HMCN2: variants seen among roughly 807,000 people sequenced by gnomAD.
HMCN2 encodes hemicentin 2, also known as hemicentin-2.
Under a neutral mutation model 377.5 loss-of-function variants are expected in HMCN2, and 325 were observed. The observed-to-expected ratio is 0.86, with a 90% CI of 0.79 to 0.94. HMCN2 has a LOEUF of 0.94. Ranked by LOEUF, HMCN2 falls within the 40% of genes least tolerant of loss-of-function variation. The pLI is 0.00. For missense variants in HMCN2, 4,543 were observed against 4,725.3 expected (o/e 0.96, Z 1.13); for synonymous variants, 2,007 against 2,046.8 (o/e 0.98, Z 0.53).
At chr9:130,373,458 A>T (rs1194395189) in intron 48 of HMCN2, among the ~76,000 whole-genome samples, 1 of 152,180 alleles carries the variant, frequency 6.6e-6, no homozygotes, top group Non-Finnish European at 1.5e-5. Context: ...ACATTGGACC[A>T]TAGTGGCCTT....
chr9:130,313,307 G>A lies in HMCN2; in HGVS notation c.2350+3246G>A, dbSNP rs990114273. ...AGCTGGCTTCCTGGTAGTGTCTGGG[G>A]CATAGGAAGGGAGGCATCCTACTCC... On this transcript the variant is annotated intron_variant, in intron 15 of 97. Coordinates refer to ENST00000683500, the MANE Select transcript of HMCN2 (RefSeq NM_001291815.2). Among the ~76,000 whole-genome samples the A allele has an allele frequency of 1.7e-4, 25 of 151,276 alleles. No homozygotes were observed. The East Asian group carries it at 2.9e-3, about 18-fold the overall frequency.
intron 95 of HMCN2, chr9:130,431,164 G>T (rs1588454458): frequency 5.0e-6 from 3 of 604,430 alleles, no homozygotes; most frequent in Non-Finnish European, 5.9e-6. Context: ...TGAGCACGGG[G>T]TAGGTAAGGT....
At chr9:130,362,606 G>T (rs1224562693) in intron 39 of HMCN2, among the ~76,000 whole-genome samples, 1 of 152,242 alleles carries the variant, frequency 6.6e-6, no homozygotes, top group African/African-American at 2.4e-5. Flanking sequence ...CACATTTCAA[G>T]GGCTCACTGG....
intron 27 of HMCN2, 107 bp from the exon 28 acceptor site, chr9:130,348,877 C>T: frequency 8.3e-7 from 1 of 1,210,690 alleles, no homozygotes; most frequent in Non-Finnish European, 1.1e-6. Flanking sequence ...GAGCATGGCA[C>T]CGTTCTGGCC....
In HMCN2 at chr9:130,310,030, C is replaced by T. The variant is rs782157971; in HGVS notation, c.2319C>T (p.Asp773=). 18 of 533,510 alleles carry T rather than the reference C, an allele frequency of 3.4e-5. No individual in the cohort carries two copies. Among genetic ancestry groups the T allele is most frequent in the East Asian group, 1.1e-4 (2 of 18,288 alleles). The allele number at this position is 533,510 out of a possible 1,614,324, so 33.0% of individuals were successfully genotyped here. A position where few individuals can be genotyped will look rare whatever the true frequency, so the allele number is the denominator to read the frequency against. Residue 773 remains aspartate (D), a synonymous_variant, in exon 15 of 98, where the codon GAC becomes GAT. Transcript: ENST00000683500. ...GCCGGGCTGTCAATGAGTTGGGTGA[C>T]GCCTCTGCAGAAATCCAGCTGGCGG... The part of the protein sequence containing the change: ...YTCRAVNELG[D]ASAEIQLAVG...
At chr9:130,359,250 G>A (rs1463576769) in intron 36 of HMCN2, 69 bp from the exon 37 acceptor site, 1 of 827,720 alleles carries the variant, frequency 1.2e-6, no homozygotes, top group Non-Finnish European at 1.8e-6. Context: ...AGCACTGCTG[G>A]GATGGCTGGG....
rs1327089140 is a variant in HMCN2, at chr9:130,414,291, G to A, written c.12961+3639G>A. Among the ~76,000 whole-genome samples, 2 of 152,178 alleles carry A rather than the reference G, an allele frequency of 1.3e-5. No homozygotes were observed. Among genetic ancestry groups the A allele is most frequent in the African/African-American group, 2.4e-5 (1 of 41,426 alleles). On this transcript the variant is annotated intron_variant, in intron 85 of 97. Transcript: ENST00000683500. This position sits in a 1 kb window ranked among gnomAD's most constrained non-coding sequence, Gnocchi z 4.4. ...GTGCCAGCAGAGGCCCGGTGTGGGCGTGCCTCCACCCATCCACCCATGCTC... is the reference window on the plus strand; with the variant it reads ...GTGCCAGCAGAGGCCCGGTGTGGGCATGCCTCCACCCATCCACCCATGCTC...
chr9:130,423,120 G>A lies in HMCN2; in HGVS notation c.13381+394G>A, dbSNP rs1844115258. 6.6e-6 allele frequency among the ~76,000 whole-genome samples: 1 copy of A among 152,182 alleles called. No individual in the cohort carries two copies. The highest frequency in any genetic ancestry group is 6.5e-5 in the Admixed American group (1 of 15,278). The stretch of plus-strand genomic sequence containing the variant: ...AGGGATCTCCAGTCATGAGTGAGGG[G>A]TGCAGGCTGGAGGTGACGGGAAGCG... On this transcript the variant is annotated intron_variant, in intron 87 of 97. Transcript: ENST00000683500. This position sits in a 1 kb window ranked among gnomAD's most constrained non-coding sequence, Gnocchi z 5.5.
chr9:130,363,115 C>A, intron 40 of HMCN2, 125 bp downstream of exon 40: 1 of 787,936 alleles, frequency 1.3e-6, no homozygotes, highest in Non-Finnish European at 1.5e-6. Context: ...CTGAGAACAG[C>A]TGCCTTCCAG....
In HMCN2 at chr9:130,375,598, G is replaced by A. The variant is rs1330258707; in HGVS notation, c.7666G>A (p.Ala2556Thr). Residue 2556 changes from alanine to threonine, a missense_variant, in exon 50 of 98, where the codon GCA becomes ACA. Physicochemically the swap from Ala to Thr is moderately conservative, Grantham distance 58. Around this residue, in one of 5 missense-constraint regions of HMCN2, gnomAD observed 736 missense variants for 773.2 expected, o/e 0.95. Transcript: ENST00000683500. ...CATCCTGGGAGGGGCCGAGGACAGT[G>A]CAGATGAGGAGGTGACCGTGACTGT... ...PTILGGAEDSADEEVTVTVNN... is the reference protein window; with the variant it reads ...PTILGGAEDSTDEEVTVTVNN... The A allele has an allele frequency of 3.0e-6, 3 of 985,784 alleles. No homozygotes were observed. In the African/African-American group the frequency reaches 5.2e-5, roughly 17 times the overall value. 61.1% of individuals were successfully genotyped at this position (985,784 alleles called of 1,614,324 possible).
In HMCN2 at chr9:130,427,337, AG is replaced by A; in HGVS notation, c.13907del (p.Gly4636AlafsTer72). ...GAGGAGAACGAGGTCGGCTGCCCCG[AG>A]GGCTTTGAGCTGGACTCCCAGGGAG... ...QAEENEVGCP[E>X]GFELDSQGAF... On this transcript the variant is annotated frameshift_variant, in exon 91 of 98. Coordinates refer to ENST00000683500, the MANE Select transcript of HMCN2 (RefSeq NM_001291815.2). LOFTEE classifies it high-confidence loss of function. 6.4e-7 allele frequency: 1 copy of A among 1,550,528 alleles called. No individual in the cohort carries two copies. The highest frequency in any genetic ancestry group is 8.7e-7 in the Non-Finnish European group (1 of 1,146,976).
In HMCN2 at chr9:130,403,767, G is replaced by A. The variant is rs200341807; in HGVS notation, c.12040G>A (p.Gly4014Arg). Reference protein sequence around the residue: ...TGVSTQVLPGGQLRIAHASPE... With the variant: ...TGVSTQVLPGRQLRIAHASPE... ...AGTGAGTACCCAGGTCCTACCAGGC[G>A]GACAGCTGCGGATTGCCCATGCCAG... The change falls in exon 80 of 98, where the codon GGA (glycine) becomes AGA (arginine). Residue 4014 changes from glycine to arginine, a missense_variant. Gly to Arg is a moderately radical substitution (Grantham distance 125). Coordinates refer to ENST00000683500, the MANE Select transcript of HMCN2 (RefSeq NM_001291815.2). 70 of 1,289,668 alleles carry A rather than the reference G, an allele frequency of 5.4e-5. No homozygotes were observed. Among genetic ancestry groups the A allele is most frequent in the African/African-American group, 1.2e-4 (8 of 65,846 alleles). The allele number at this position is 1,289,668 out of a possible 1,614,324, so 79.9% of individuals were successfully genotyped here. A position where few individuals can be genotyped will look rare whatever the true frequency, so the allele number is the denominator to read the frequency against.
chr9:130,306,697 A>C (rs1836878432), intron 12 of HMCN2, 114 bp from the exon 13 acceptor site: 1 of 387,332 alleles, frequency 2.6e-6, no homozygotes, highest in Non-Finnish European at 5.5e-6. Flanking sequence ...GCCTAGAGCA[A>C]GCCATCAGTA....
At chr9:130,291,402 GT>G (rs1436017009) in intron 4 of HMCN2, among the ~76,000 whole-genome samples, 2 of 152,274 alleles carry the variant, frequency 1.3e-5, no homozygotes, top group East Asian at 3.9e-4. Flanking sequence ...TAGAGATGGA[GT>G]TTCACTGTGT....
intron 4 of HMCN2, among the ~76,000 whole-genome samples, chr9:130,292,018 C>CTTT (rs35195661): frequency 2.1e-5 from 3 of 142,628 alleles, no homozygotes. Flanking sequence ...GTGGCATTCA[C>CTTT]TTTTTTTTTT....
intron 4 of HMCN2, among the ~76,000 whole-genome samples, chr9:130,293,929 C>T (rs769254639): frequency 1.8e-4 from 28 of 151,710 alleles, no homozygotes; most frequent in South Asian, 6.2e-4. Context: ...AGGAGATGGT[C>T]GATGAGGAGG....
intron 8 of HMCN2, among the ~76,000 whole-genome samples, chr9:130,302,385 A>G (rs1014142698): frequency 6.6e-6 from 1 of 152,172 alleles, no homozygotes; most frequent in Admixed American, 6.5e-5. Flanking sequence ...TCTTTCTAAC[A>G]AATTTCGATA....
intron 83 of HMCN2, among the ~76,000 whole-genome samples, chr9:130,408,286 T>G (rs1280710892): frequency 6.6e-6 from 1 of 151,962 alleles, no homozygotes; most frequent in Non-Finnish European, 1.5e-5. Context: ...CATCGAAGAG[T>G]GTTTTGAGAT....
In HMCN2 at chr9:130,377,803, C is replaced by T. The variant is rs1377260468; in HGVS notation, c.8212+4C>T. 7.1e-6 allele frequency: 7 copies of T among 985,854 alleles called. No individual in the cohort carries two copies. Among genetic ancestry groups the T allele is most frequent in the South Asian group, 4.7e-5 (1 of 21,292 alleles). 61.1% of individuals were successfully genotyped at this position (985,854 alleles called of 1,614,324 possible). ...GACTTCAACGTGCTCATCCAGGGTG[C>T]GTGGCGCCAGTGGGCCAGGGGTGGG... On this transcript the variant is annotated splice_donor_region_variant and intron_variant, in intron 53 of 97. Coordinates refer to ENST00000683500, the MANE Select transcript of HMCN2 (RefSeq NM_001291815.2).
Sources: gnomAD v4.1 joint callset for allele counts (sites outside exome capture counted in the v4.1 genomes callset) on GRCh38, gnomAD v4.1.1 for gene constraint, gnomAD v4.1.1 regional missense constraint, Gnocchi (gnomAD v3.1) non-coding constraint, MANE v1.5 for transcripts, NCBI Gene and HGNC (gene_info 2026-07-23, HGNC 2026-07-21) for gene names.